CENPP: variants seen among roughly 807,000 people sequenced by gnomAD.
The protein encoded by CENPP is centromere protein P.
In CENPP, 24 loss-of-function variants were observed where a neutral mutation model predicts 35.6. The ratio of observed to expected loss-of-function variants is 0.67; its 90% confidence interval spans 0.49 to 0.95. The LOEUF (loss-of-function observed/expected upper bound fraction) is 0.95, where lower values mean the gene tolerates loss of function less well. Ranked by LOEUF, CENPP falls within the 40% of genes least tolerant of loss-of-function variation. CENPP has a pLI of 0.00. For missense variants in CENPP, 332 were observed against 345.3 expected, an observed-to-expected ratio of 0.96 and a Z score of 0.31; for synonymous variants, 120 against 125.5, an observed-to-expected ratio of 0.96 and a Z score of 0.29.
rs185223831 is a variant in CENPP at position 92,603,010 on chromosome 9, C to T, written c.565-8304C>T. 3.9e-3 allele frequency among the ~76,000 whole-genome samples: 586 copies of T among 152,110 alleles called. 4 individuals are homozygous for T. The highest frequency in any genetic ancestry group is 0.013 in the African/African-American group (545 of 41,492). On this transcript the variant is annotated intron_variant, in intron 5 of 7. Coordinates refer to ENST00000375587, the MANE Select transcript of CENPP (RefSeq NM_001012267.3). ...TTCACCATGTTGGATAGGGTGGTCT[C>T]GATCTCTTGACCTCGTGATCCGCTC...
At chr9:92,380,862 G>A (rs1317588776) in intron 5 of CENPP, among the ~76,000 whole-genome samples, 1 of 152,162 alleles carries the variant, frequency 6.6e-6, no homozygotes, top group Non-Finnish European at 1.5e-5. Flanking sequence ...GAAAATGGGA[G>A]CACTAGTCTC....
At chr9:92,477,136 A>C (rs1845739979) in intron 5 of CENPP, among the ~76,000 whole-genome samples, 1 of 152,182 alleles carries the variant, frequency 6.6e-6, no homozygotes, top group South Asian at 2.1e-4. Context: ...ACTGTGGCTG[A>C]CTACTGTTCT....
intron 4 of CENPP, among the ~76,000 whole-genome samples, chr9:92,371,442 T>C (rs910866664): frequency 4.6e-5 from 7 of 152,202 alleles, no homozygotes; most frequent in East Asian, 1.9e-4. Flanking sequence ...TTGGTGTTGA[T>C]TTCTAGTTGT....
chr9:92,493,628 A>G (rs1846232138), intron 5 of CENPP: 1 of 152,720 alleles, frequency 6.5e-6, no homozygotes, highest in Admixed American at 6.5e-5. Flanking sequence ...GAAGCCAAAC[A>G]GAACATCTGT....
intron 4 of CENPP, among the ~76,000 whole-genome samples, chr9:92,378,492 T>C (rs1842172592): frequency 6.6e-6 from 1 of 152,194 alleles, no homozygotes; most frequent in Admixed American, 6.5e-5. Flanking sequence ...CCTCCCTTGA[T>C]TCCTGAAGAC....
At chr9:92,345,134 T>C (rs1280699990) in intron 3 of CENPP, among the ~76,000 whole-genome samples, 1 of 151,940 alleles carries the variant, frequency 6.6e-6, no homozygotes, top group Non-Finnish European at 1.5e-5. Context: ...GCACCTGTAG[T>C]CCCAGCTACT....
At chr9:92,362,427 T>A (rs931662916) in intron 4 of CENPP, among the ~76,000 whole-genome samples, 1 of 152,226 alleles carries the variant, frequency 6.6e-6, no homozygotes, top group Non-Finnish European at 1.5e-5. Flanking sequence ...TTTCCCCCAA[T>A]AGAATGTTTC....
chr9:92,488,451 TTA>T (rs1354295100), intron 5 of CENPP, among the ~76,000 whole-genome samples: 1 of 152,204 alleles, frequency 6.6e-6, no homozygotes, highest in Non-Finnish European at 1.5e-5. Context: ...TGGAAAGACT[TTA>T]TGAGTCTTTT....
At chr9:92,466,324 A>G in intron 5 of CENPP, 1 of 1,335,792 alleles carries the variant, frequency 7.5e-7, no homozygotes, top group South Asian at 1.2e-5. Context: ...GTTTGTTATA[A>G]TTTCAAGATG....
chr9:92,501,019 G>A, intron 5 of CENPP: 1 of 1,614,174 alleles, frequency 6.2e-7, no homozygotes, highest in East Asian at 2.2e-5. Context: ...ACGTGATAGA[G>A]CTTGTTGTAG....
intron 4 of CENPP, 31 bp downstream of exon 4, chr9:92,345,818 A>G: frequency 1.5e-6 from 2 of 1,328,946 alleles, no homozygotes; most frequent in African/African-American, 1.5e-5. Context: ...ACTTTTTTAG[A>G]GAAAAAAAGT....
Position 92,613,155 on chromosome 9 carries a change from A to T in CENPP, c.*6A>T, listed in dbSNP as rs758244470. 1 of 1,614,196 alleles carries T rather than the reference A, an allele frequency of 6.2e-7. No individual in the cohort carries two copies. ...GTGCAGAGGAGAACAACTAGTTCCA[A>T]AACAGTGAACGTGGAGGATGAAGAT... is the stretch of plus-strand genomic sequence containing the variant. On this transcript the variant is annotated 3_prime_UTR_variant, in exon 8 of 8. Coordinates refer to ENST00000375587, the MANE Select transcript of CENPP (RefSeq NM_001012267.3).
At chr9:92,425,874 T>C (rs1172623143) in intron 5 of CENPP, among the ~76,000 whole-genome samples, 1 of 152,234 alleles carries the variant, frequency 6.6e-6, no homozygotes, top group Non-Finnish European at 1.5e-5. Flanking sequence ...AGAGCAAATC[T>C]GTGTACTTTT....
intron 5 of CENPP, chr9:92,416,930 T>C: frequency 6.2e-7 from 1 of 1,614,062 alleles, no homozygotes; most frequent in Admixed American, 1.7e-5. Context: ...TTTTTCCATT[T>C]TGGCAAAGAT....
chr9:92,517,846 T>C, intron 5 of CENPP: 3 of 1,614,206 alleles, frequency 1.9e-6, no homozygotes, highest in Non-Finnish European at 2.5e-6. Flanking sequence ...TACATGGTTA[T>C]GCCCTTTACC....
intron 4 of CENPP, among the ~76,000 whole-genome samples, chr9:92,372,955 G>A (rs182312848): frequency 5.9e-5 from 9 of 152,130 alleles, no homozygotes; most frequent in South Asian, 4.1e-4. Flanking sequence ...CTTTGAGGTC[G>A]TTGAACATTT....
At chr9:92,393,333 A>G (rs755103152) in intron 5 of CENPP, 18 of 1,002,282 alleles carry the variant, frequency 1.8e-5, no homozygotes, top group Admixed American at 2.6e-5. Flanking sequence ...TATGAATGCT[A>G]TTACTAATTT....
In CENPP at chr9:92,612,319, A is replaced by G. The variant is rs114224644; in HGVS notation, c.645-204A>G. Among the ~76,000 whole-genome samples the G allele has an allele frequency of 2.1e-3, 313 of 152,304 alleles. 1 individual carries two copies. Among genetic ancestry groups the G allele is most frequent in the African/African-American group, 6.8e-3 (284 of 41,558 alleles). ...GGTATTGGCCTACTAATGTTTGCCA[A>G]TGCAGTGGGGACAGAGCAGCACCTT... On this transcript the variant is annotated intron_variant, in intron 6 of 7. Transcript: ENST00000375587.
At chr9:92,500,882 T>G (rs1346327639) in intron 5 of CENPP, 1 of 1,614,124 alleles carries the variant, frequency 6.2e-7, no homozygotes, top group East Asian at 2.2e-5. Flanking sequence ...CATCAGCAAG[T>G]TTGTTAAATG....
Sources: gnomAD v4.1 joint callset for allele counts (sites outside exome capture counted in the v4.1 genomes callset) on GRCh38, gnomAD v4.1.1 for gene constraint, MANE v1.5 for transcripts, NCBI Gene and HGNC (gene_info 2026-07-23, HGNC 2026-07-21) for gene names.